PRKN: variants seen among roughly 807,000 people sequenced by gnomAD.
PRKN encodes the protein parkin RBR E3 ubiquitin protein ligase.
In PRKN, 56 loss-of-function variants were observed where a neutral mutation model predicts 59.5. That is an observed-to-expected ratio of 0.94 (90% confidence interval 0.76 to 1.18). PRKN has a LOEUF of 1.18. Ranked by LOEUF, PRKN falls within the 50% of genes most tolerant of loss-of-function variation. PRKN has a pLI of 0.00. For synonymous variants in PRKN, 250 were observed against 222.1 expected, an observed-to-expected ratio of 1.13 and a Z score of -1.12; for missense variants, 657 against 596.4, an observed-to-expected ratio of 1.10 and a Z score of -1.06.
intron 7 of PRKN, among the ~76,000 whole-genome samples, chr6:161,749,154 C>T (rs1016811823): frequency 4.6e-5 from 7 of 152,154 alleles, no homozygotes; most frequent in African/African-American, 7.2e-5. Context: ...TAACCCCCTC[C>T]GGGTCTACCC....
Position 161,551,596 on chromosome 6 carries a change from G to A in PRKN, c.934-2593C>T, listed in dbSNP as rs368284760. ...GAGCTGGGTGTGTGGCTGCCATTGC[G>A]GTCTTGAAAAGTCATTTCAGTGGAG... On this transcript the variant is annotated intron_variant, in intron 8 of 11. Transcript: ENST00000366898. The surrounding 1 kb of genome is among the most constrained non-coding windows in gnomAD (Gnocchi z 5.2). Among the ~76,000 whole-genome samples, 17 of 152,222 alleles carry A rather than the reference G, an allele frequency of 1.1e-4. No individual in the cohort carries two copies. The highest frequency in any genetic ancestry group is 5.2e-4 in the Admixed American group (8 of 15,286).
chr6:162,304,522 TCTA>T lies in PRKN; in HGVS notation c.172-41760_172-41758del, dbSNP rs1562655046. On this transcript the variant is annotated intron_variant, in intron 2 of 11. Coordinates refer to ENST00000366898, the MANE Select transcript of PRKN (RefSeq NM_004562.3). ...ATCTATCTATCTATCTATCTATCTA[TCTA>T]TCTATCTATCTATCTATCTATTTAT... Among the ~76,000 whole-genome samples, 27 of 144,186 alleles carry T rather than the reference TCTA, an allele frequency of 1.9e-4. 3 individuals are homozygous for T. Among genetic ancestry groups the T allele is most frequent in the African/African-American group, 4.9e-4 (19 of 39,078 alleles). 94.6% of individuals were successfully genotyped at this position (144,186 alleles called of 152,430 possible). A position where few individuals can be genotyped will look rare whatever the true frequency, so the allele number is the denominator to read the frequency against.
intron 3 of PRKN, among the ~76,000 whole-genome samples, chr6:162,225,134 C>T (rs1778112222): frequency 6.6e-6 from 1 of 152,166 alleles, no homozygotes; most frequent in African/African-American, 2.4e-5. Flanking sequence ...GGTGAGAGCA[C>T]ATCTATGAGT....
At chr6:162,050,482 T>TA (rs1409518180) in intron 5 of PRKN, among the ~76,000 whole-genome samples, 5 of 151,778 alleles carry the variant, frequency 3.3e-5, no homozygotes, top group African/African-American at 1.2e-4. Flanking sequence ...CTCTTTTTTT[T>TA]TCATCTCTCA....
At position 161,575,095 on chromosome 6, in the gene PRKN, G is replaced by A. The variant is rs1474676745; in HGVS notation, c.872-5679C>T. ...TTATTAAACCCATCACTCAACTGTT[G>A]CCTGTGTTTTCTAAAAATCTGAGCT... On this transcript the variant is annotated intron_variant, in intron 7 of 11. Coordinates refer to ENST00000366898, the MANE Select transcript of PRKN (RefSeq NM_004562.3). This position sits in a 1 kb window ranked among gnomAD's most constrained non-coding sequence, Gnocchi z 4.6. Among the ~76,000 whole-genome samples, 2 of 152,100 alleles carry A rather than the reference G, an allele frequency of 1.3e-5. No homozygotes were observed. Among genetic ancestry groups the A allele is most frequent in the Admixed American group, 1.3e-4 (2 of 15,276 alleles).
intron 7 of PRKN, among the ~76,000 whole-genome samples, chr6:161,580,640 C>A (rs1781302314): frequency 6.9e-6 from 1 of 145,734 alleles, no homozygotes. Flanking sequence ...CCATGCCAGG[C>A]TAATTTTTTT....
At chr6:161,884,185 G>C (rs1217387812) in intron 6 of PRKN, among the ~76,000 whole-genome samples, 1 of 152,070 alleles carries the variant, frequency 6.6e-6, no homozygotes, top group African/African-American at 2.4e-5. Flanking sequence ...ATGTATTTTA[G>C]AGTTTCATGA....
At chr6:162,337,091 T>C (rs953100294) in intron 2 of PRKN, among the ~76,000 whole-genome samples, 3 of 152,204 alleles carry the variant, frequency 2.0e-5, no homozygotes, top group African/African-American at 7.2e-5. Context: ...TGACTACAAA[T>C]ATTGAATTAG....
At chr6:162,390,394 T>TACACACACAC (rs1272491393) in intron 2 of PRKN, among the ~76,000 whole-genome samples, 4 of 120,754 alleles carry the variant, frequency 3.3e-5, no homozygotes, top group African/African-American at 1.1e-4. Flanking sequence ...TATATATATA[T>TACACACACAC]ATACACACAC....
intron 6 of PRKN, among the ~76,000 whole-genome samples, chr6:161,964,248 A>C (rs1474517798): frequency 6.6e-6 from 1 of 152,066 alleles, no homozygotes; most frequent in East Asian, 1.9e-4. Context: ...CATTTATAAG[A>C]TGGAAGCCCT....
intron 5 of PRKN, among the ~76,000 whole-genome samples, chr6:162,032,541 T>C (rs898194655): frequency 6.6e-6 from 1 of 152,130 alleles, no homozygotes; most frequent in Non-Finnish European, 1.5e-5. Context: ...AATAATTTCA[T>C]GTTTACTAGC....
chr6:162,581,252 T>A (rs1780779615), intron 1 of PRKN, among the ~76,000 whole-genome samples: 1 of 152,216 alleles, frequency 6.6e-6, no homozygotes, highest in Non-Finnish European at 1.5e-5. Context: ...TCATAAGCAA[T>A]TTACTTTTCA....
In PRKN at chr6:162,579,482, TCA is replaced by T. The variant is rs202071599; in HGVS notation, c.8-136011_8-136010del. ...CCCACTTTCACACACATATCCAGAC[TCA>T]CACAGATTTACACACAAAGTTCACA... On this transcript the variant is annotated intron_variant, in intron 1 of 11. Transcript: ENST00000366898. Among the ~76,000 whole-genome samples the T allele has an allele frequency of 7.1e-3, 1,065 of 150,894 alleles. 13 individuals carry two copies. The highest frequency in any genetic ancestry group is 0.025 in the African/African-American group (1,013 of 41,040).
At chr6:161,803,658 G>A (rs1416065610) in intron 6 of PRKN, among the ~76,000 whole-genome samples, 2 of 152,166 alleles carry the variant, frequency 1.3e-5, no homozygotes, top group South Asian at 2.1e-4. Flanking sequence ...TGAGCTGCCC[G>A]GTTTCTTAGT....
chr6:161,678,047 G>A (rs952943592), intron 7 of PRKN, among the ~76,000 whole-genome samples: 5 of 151,948 alleles, frequency 3.3e-5, no homozygotes, highest in Non-Finnish European at 7.4e-5. Flanking sequence ...ACCATGAAAT[G>A]CAAATTATTT....
intron 7 of PRKN, among the ~76,000 whole-genome samples, chr6:161,660,931 G>A (rs192504396): frequency 3.8e-4 from 58 of 152,146 alleles, no homozygotes; most frequent in African/African-American, 1.3e-3. Context: ...CCAGTCTTCC[G>A]TGACTCAGGC....
At chr6:162,528,478 G>T (rs1778382111) in intron 1 of PRKN, among the ~76,000 whole-genome samples, 1 of 151,914 alleles carries the variant, frequency 6.6e-6, no homozygotes, top group African/African-American at 2.4e-5. Context: ...TTCAAGCCAA[G>T]ATATAAATTA....
intron 1 of PRKN, among the ~76,000 whole-genome samples, chr6:162,516,662 T>C (rs1777874235): frequency 6.6e-6 from 1 of 151,074 alleles, no homozygotes; most frequent in Non-Finnish European, 1.5e-5. Context: ...ACTCAGGAGG[T>C]TGTGGCATGA....
At chr6:161,726,766 T>C (rs1053279053) in intron 7 of PRKN, among the ~76,000 whole-genome samples, 1 of 152,156 alleles carries the variant, frequency 6.6e-6, no homozygotes, top group Admixed American at 6.5e-5. Flanking sequence ...ATAGGTCAGA[T>C]AGAGAGATGC....
Sources: allele counts gnomAD v4.1 joint callset (sites outside exome capture counted in the v4.1 genomes callset), GRCh38; gene constraint gnomAD v4.1.1; non-coding constraint Gnocchi (gnomAD v3.1); transcripts MANE v1.5; gene names NCBI Gene and HGNC (gene_info 2026-07-23, HGNC 2026-07-21).